The following ZBTB46 variants were observed in gnomAD, a reference collection of about 807,000 sequenced individuals.
ZBTB46 encodes zinc finger and BTB domain containing 46.
A neutral mutation model predicts 44.1 loss-of-function variants in ZBTB46; 8 were observed. The observed-to-expected ratio is 0.18, with a 90% CI of 0.11 to 0.33. The LOEUF (loss-of-function observed/expected upper bound fraction) is 0.33, where lower values mean the gene tolerates loss of function less well. ZBTB46 is among the 10% of genes least tolerant of loss of function. The probability of loss-of-function intolerance (pLI) is 1.00; values close to 1 mark genes in which losing one functional copy is unlikely to be tolerated. For missense variants in ZBTB46, 651 were observed against 847.7 expected, an observed-to-expected ratio of 0.77 and a Z score of 2.88; for synonymous variants, 409 against 382.3, an observed-to-expected ratio of 1.07 and a Z score of -0.81.
intron 1 of ZBTB46, among the ~76,000 whole-genome samples, chr20:63,828,317 G>A (rs1279512257): frequency 6.6e-6 from 1 of 152,226 alleles, no homozygotes; most frequent in African/African-American, 2.4e-5. Context: ...CCGCAGCCGC[G>A]GCAGACGGCA....
chr20:63,750,894 C>T (rs576526065), intron 4 of ZBTB46, among the ~76,000 whole-genome samples: 12 of 151,778 alleles, frequency 7.9e-5, no homozygotes, highest in African/African-American at 2.9e-4. Flanking sequence ...ACAGTGAAAC[C>T]CTGTCTCAAA....
rs930980266 is a variant in ZBTB46 at position 63,790,550 on chromosome 20, C to T, written c.208G>A (p.Ala70Thr). Residue 70 changes from alanine (A) to threonine (T), a missense_variant, in exon 2 of 5, where the codon GCC becomes ACC. Around this residue, in one of 5 missense-constraint regions of ZBTB46, gnomAD observed 65 missense variants for 167.9 expected, o/e 0.39. Transcript: ENST00000245663. ...ACGATGTCCAGGTGCGTGACCGTGGCCTGCTCCGACGTCTTCTGCACCTGG... is the reference window on the plus strand; with the variant it reads ...ACGATGTCCAGGTGCGTGACCGTGGTCTGCTCCGACGTCTTCTGCACCTGG... ...YCQVQKTSEQ[A>T]TVTHLDIVTA... 6.2e-7 allele frequency: 1 copy of T among 1,613,146 alleles called. No homozygotes were observed. The highest frequency in any genetic ancestry group is 8.5e-7 in the Non-Finnish European group (1 of 1,179,782).
chr20:63,796,185 C>A (rs1036602769), intron 1 of ZBTB46, among the ~76,000 whole-genome samples: 1 of 152,236 alleles, frequency 6.6e-6, no homozygotes, highest in Non-Finnish European at 1.5e-5. Flanking sequence ...AGGAGCTCTG[C>A]CCGGAAGGCT....
At chr20:63,808,360 C>G (rs371846031) in intron 1 of ZBTB46, among the ~76,000 whole-genome samples, 206 of 152,282 alleles carry the variant, frequency 1.4e-3, no homozygotes, top group African/African-American at 4.7e-3. Context: ...GGGGAGGGCC[C>G]GGAAGGCAGA....
chr20:63,760,124 T>C (rs1480976753), intron 3 of ZBTB46, among the ~76,000 whole-genome samples: 1 of 152,256 alleles, frequency 6.6e-6, no homozygotes, highest in Non-Finnish European at 1.5e-5. Context: ...ATCAAGACCA[T>C]GCCAGCTTAG....
intron 3 of ZBTB46, among the ~76,000 whole-genome samples, chr20:63,756,130 C>G (rs576296491): frequency 5.3e-5 from 8 of 152,336 alleles, no homozygotes; most frequent in Admixed American, 2.6e-4. Context: ...CTGCACCAAG[C>G]CAAGTCGGCT....
At chr20:63,755,106 G>A (rs533468484) in intron 3 of ZBTB46, among the ~76,000 whole-genome samples, 8 of 152,276 alleles carry the variant, frequency 5.3e-5, no homozygotes, top group Admixed American at 1.3e-4. Flanking sequence ...TAATAACCCC[G>A]TGAGAATAAA....
Position 63,803,544 on chromosome 20 carries a change from T to G in ZBTB46, c.-33-12754A>C. 1.0e-6 allele frequency: 1 copy of G among 981,114 alleles called. No homozygotes were observed. The highest frequency in any genetic ancestry group is 4.7e-5 in the South Asian group (1 of 21,224). The allele number at this position is 981,114 out of a possible 1,614,324, so 60.8% of individuals were successfully genotyped here. On this transcript the variant is annotated intron_variant, in intron 1 of 4. Transcript: ENST00000245663. This position sits in a 1 kb window ranked among gnomAD's most constrained non-coding sequence, Gnocchi z 4.0. The stretch of plus-strand genomic sequence containing the variant: ...CCATCTGAAGATGCAAAGCCATGTC[T>G]GCCGGCCCCGGGCTGCCCAGGCCCC...
intron 1 of ZBTB46, among the ~76,000 whole-genome samples, chr20:63,830,402 G>GCGCGCCCCGAGCCCTC (rs1036904361): frequency 6.6e-6 from 1 of 150,508 alleles, no homozygotes; most frequent in Non-Finnish European, 1.5e-5. Context: ...CGTCCGCCCC[G>GCGCGCCCCGAGCCCTC]CGCGCCCCGA....
chr20:63,818,221 G>T (rs1325291793), intron 1 of ZBTB46, among the ~76,000 whole-genome samples: 1 of 152,234 alleles, frequency 6.6e-6, no homozygotes, highest in Non-Finnish European at 1.5e-5. Context: ...CATCCACGCT[G>T]CCCCTGCCAG....
upstream of ZBTB46, among the ~76,000 whole-genome samples, chr20:63,832,958 G>T (rs1305032604): frequency 1.3e-5 from 2 of 152,046 alleles, no homozygotes; most frequent in African/African-American, 4.8e-5. The surrounding 1 kb of genome is among the most constrained non-coding windows in gnomAD (Gnocchi z 5.0). Flanking sequence ...TGGGGAGACA[G>T]GAGAGCTCGG....
intron 1 of ZBTB46, among the ~76,000 whole-genome samples, chr20:63,818,031 G>C (rs961498556): frequency 9.2e-5 from 14 of 152,348 alleles, no homozygotes; most frequent in Middle Eastern, 3.4e-3. Context: ...CAAACAGCAA[G>C]CTCACCTACA....
At chr20:63,826,743 C>T (rs950404673) in intron 1 of ZBTB46, among the ~76,000 whole-genome samples, 4 of 152,266 alleles carry the variant, frequency 2.6e-5, no homozygotes, top group South Asian at 2.1e-4. Flanking sequence ...AAATGCTTCA[C>T]GGATGACTTT....
intron 1 of ZBTB46, among the ~76,000 whole-genome samples, chr20:63,801,346 G>A (rs1211930618): frequency 1.3e-5 from 2 of 152,158 alleles, no homozygotes; most frequent in African/African-American, 2.4e-5. Flanking sequence ...GAACTTTTGT[G>A]TCTAGCTCAA....
chr20:63,792,812 C>A (rs926042261), intron 1 of ZBTB46, among the ~76,000 whole-genome samples: 1 of 152,206 alleles, frequency 6.6e-6, no homozygotes, highest in Non-Finnish European at 1.5e-5. Flanking sequence ...GCCACCACGC[C>A]CAGCCTAAAA....
At position 63,763,660 on chromosome 20, in the gene ZBTB46, G is replaced by A. The variant is rs141628997; in HGVS notation, c.1223-10799C>T. On this transcript the variant is annotated intron_variant, in intron 3 of 4. Coordinates refer to ENST00000245663, the MANE Select transcript of ZBTB46 (RefSeq NM_001369741.1). ...CACCAGGCACCACGTCCAGTATTGC[G>A]GATCACAGTTCAACATGAGATTTGG... Among the ~76,000 whole-genome samples, 9 of 152,260 alleles carry A rather than the reference G, an allele frequency of 5.9e-5. No individual in the cohort carries two copies. The East Asian group carries it at 1.3e-3, about 23-fold the overall frequency.
chr20:63,789,834 G>A lies in ZBTB46; in HGVS notation c.924C>T (p.Ser308=), dbSNP rs1286180757. The part of the protein sequence containing the change: ...SFLPTSGWPF[S]SRDSNADLSV... ...TGAAAGGCTTACTTGAGTCTCGGCT[G>A]CTGAACGGCCACCCCGACGTCGGCA... The change falls in exon 2 of 5, where the codon AGC becomes AGT. Residue 308 remains serine (S), a synonymous_variant. Coordinates refer to ENST00000245663, the MANE Select transcript of ZBTB46 (RefSeq NM_001369741.1). The A allele has an allele frequency of 6.2e-7, 1 of 1,610,188 alleles. No homozygotes were observed. Among genetic ancestry groups the A allele is most frequent in the Admixed American group, 1.7e-5 (1 of 59,982 alleles).
intron 1 of ZBTB46, among the ~76,000 whole-genome samples, chr20:63,813,030 G>A (rs561783140): frequency 2.0e-5 from 3 of 152,182 alleles, no homozygotes; most frequent in East Asian, 3.9e-4. Flanking sequence ...CACGGAAGGC[G>A]GAGGTTGCAG....
intron 3 of ZBTB46, among the ~76,000 whole-genome samples, chr20:63,770,790 G>A (rs1418150012): frequency 1.3e-5 from 2 of 152,230 alleles, no homozygotes; most frequent in Non-Finnish European, 2.9e-5. Flanking sequence ...AAGGGGCAGT[G>A]GACACACAGT....
Sources: gnomAD v4.1 joint callset for allele counts (sites outside exome capture counted in the v4.1 genomes callset) on GRCh38, gnomAD v4.1.1 for gene constraint, gnomAD v4.1.1 regional missense constraint, Gnocchi (gnomAD v3.1) non-coding constraint, MANE v1.5 for transcripts, NCBI Gene and HGNC (gene_info 2026-07-23, HGNC 2026-07-21) for gene names.